SVIL: variants seen among roughly 807,000 people sequenced by gnomAD.
SVIL encodes archvillin.
A neutral mutation model predicts 240.4 loss-of-function variants in SVIL; 101 were observed. The ratio of observed to expected loss-of-function variants is 0.42; its 90% CI spans 0.36 to 0.50. The LOEUF is 0.50. Among genes scored for constraint, SVIL ranks in the 20% least tolerant of loss-of-function variants. SVIL has a pLI of 0.01. For synonymous variants in SVIL, 999 were observed against 1,100.0 expected, an observed-to-expected ratio of 0.91 and a Z score of 1.82; for missense variants, 2,512 against 2,818.7, an observed-to-expected ratio of 0.89 and a Z score of 2.46.
chr10:29,601,251 G>T (rs1046214929), intron 1 of SVIL, among the ~76,000 whole-genome samples: 4 of 152,082 alleles, frequency 2.6e-5, no homozygotes, highest in African/African-American at 9.7e-5. Context: ...AATGCTACAT[G>T]CCACATTTTA....
At chr10:29,568,525 C>T (rs1370857853) in intron 2 of SVIL, among the ~76,000 whole-genome samples, 1 of 152,154 alleles carries the variant, frequency 6.6e-6, no homozygotes, top group Non-Finnish European at 1.5e-5. Context: ...CAACTTTGTG[C>T]CTCCATCTGA....
At chr10:29,493,504 C>T (rs1277613981) in intron 20 of SVIL, 113 bp from the exon 21 acceptor site, 18 of 1,212,592 alleles carry the variant, frequency 1.5e-5, no homozygotes, top group Middle Eastern at 2.7e-4. Context: ...GTGGAAGAAA[C>T]ACGGTTGTGA....
At chr10:29,462,453 T>C in intron 35 of SVIL, 52 bp from the exon 36 acceptor site, 1 of 1,577,530 alleles carries the variant, frequency 6.3e-7, no homozygotes, top group Non-Finnish European at 8.6e-7. Context: ...ACCCTGTCTT[T>C]CTCTGATTTC....
chr10:29,694,711 C>T (rs1413054892), intron 1 of SVIL, among the ~76,000 whole-genome samples: 1 of 152,178 alleles, frequency 6.6e-6, no homozygotes, highest in Non-Finnish European at 1.5e-5. Context: ...CCTTCCACCT[C>T]GGCCTCCCAA....
chr10:29,503,543 C>T (rs952742231), intron 17 of SVIL, among the ~76,000 whole-genome samples: 3 of 152,088 alleles, frequency 2.0e-5, no homozygotes, highest in Non-Finnish European at 4.4e-5. Context: ...GTGACTTGAC[C>T]TCTGAAAACA....
chr10:29,480,591 A>G lies in SVIL; in HGVS notation c.5323T>C (p.Phe1775Leu). The G allele has an allele frequency of 6.2e-7, 1 of 1,614,026 alleles. No individual in the cohort carries two copies. The highest frequency in any genetic ancestry group is 8.5e-7 in the Non-Finnish European group (1 of 1,180,030). The change falls in exon 29 of 38, where the codon TTC (phenylalanine) becomes CTC (leucine). Residue 1775 changes from phenylalanine (F) to leucine (L), a missense_variant. Transcript: ENST00000355867. Reference sequence around the variant, plus strand: ...ACCACATAGGCATCCCCCTCATGGAACTGCCCGATGCTTTGTTTGGGGAGC... The same window carrying G: ...ACCACATAGGCATCCCCCTCATGGAGCTGCCCGATGCTTTGTTTGGGGAGC... The part of the protein sequence containing the change: ...SRLPKQSIGQ[F>L]HEGDAYVVKW...
intron 1 of SVIL, among the ~76,000 whole-genome samples, chr10:29,720,896 G>A (rs1313479437): frequency 6.6e-6 from 1 of 152,190 alleles, no homozygotes; most frequent in Non-Finnish European, 1.5e-5. Context: ...GCCCAGGCTG[G>A]AGTGTAGTGG....
chr10:29,466,467 G>T (rs76485365), intron 33 of SVIL, among the ~76,000 whole-genome samples: 6,027 of 152,198 alleles, frequency 0.04, 402 homozygotes, highest in African/African-American at 0.13. Flanking sequence ...GCTGATACAT[G>T]CTATCAGATT....
chr10:29,535,954 T>G lies in SVIL; in HGVS notation c.908+35A>C, dbSNP rs377367437. On this transcript the variant is annotated intron_variant, in intron 7 of 37. Transcript: ENST00000355867. ...GTCAGGCAGGAGGAAGCAACACTCA[T>G]GCACACAAGCCCCAGAGGGCCGGCG... 5.6e-6 allele frequency: 9 copies of G among 1,610,098 alleles called. No individual in the cohort carries two copies. In the East Asian group the frequency reaches 1.8e-4, roughly 32 times the overall value.
intron 6 of SVIL, among the ~76,000 whole-genome samples, chr10:29,545,853 C>CAAAAAAAAAAAAAAA (rs755360700): frequency 1.4e-4 from 9 of 63,570 alleles, no homozygotes; most frequent in Non-Finnish European, 2.3e-4. Flanking sequence ...GACTCTGTCT[C>CAAAAAAAAAAAAAAA]AAAAAAAAAA....
chr10:29,575,615 G>T (rs371163570), intron 1 of SVIL, among the ~76,000 whole-genome samples: 4 of 152,146 alleles, frequency 2.6e-5, no homozygotes, highest in South Asian at 2.1e-4. Context: ...TCTCTCACTG[G>T]ATGATTTAGT....
rs140270110 is a variant in SVIL, at chr10:29,514,799, G to A, written c.3390-1938C>T. ...GGAACTGGTCAGATGATCTCTAAGG[G>A]TCCTTCTTCCAAGCTTCCCGATTCC... On this transcript the variant is annotated intron_variant, in intron 16 of 37. Coordinates refer to ENST00000355867, the MANE Select transcript of SVIL (RefSeq NM_021738.3). 9.1e-3 allele frequency among the ~76,000 whole-genome samples: 1,393 copies of A among 152,250 alleles called. 32 individuals carry two copies. The highest frequency in any genetic ancestry group is 0.032 in the African/African-American group (1,325 of 41,546).
chr10:29,566,906 G>C (rs1955019557), intron 2 of SVIL, among the ~76,000 whole-genome samples: 1 of 152,186 alleles, frequency 6.6e-6, no homozygotes, highest in East Asian at 1.9e-4. Flanking sequence ...ACCTCTGCAG[G>C]CCTTGGTGTC....
chr10:29,458,206 T>G lies in SVIL; in HGVS notation c.*41A>C, dbSNP rs371235923. ...TATCCATTTCCCTGGTGCAGTGGTG[T>G]TGTTGGACGTGACCGTGAGGCTCCT... is the stretch of plus-strand genomic sequence containing the variant. On this transcript the variant is annotated 3_prime_UTR_variant, in exon 38 of 38. Coordinates refer to ENST00000355867, the MANE Select transcript of SVIL (RefSeq NM_021738.3). 49 of 1,585,618 alleles carry G rather than the reference T, an allele frequency of 3.1e-5. No homozygotes were observed. Among genetic ancestry groups the G allele is most frequent in the African/African-American group, 2.7e-4 (20 of 74,128 alleles).
At chr10:29,712,699 G>C (rs1013108163) in intron 1 of SVIL, among the ~76,000 whole-genome samples, 1 of 152,166 alleles carries the variant, frequency 6.6e-6, no homozygotes, top group African/African-American at 2.4e-5. Context: ...GATAGAGAAG[G>C]CAAATGTTAT....
Position 29,606,835 on chromosome 10 carries a change from A to G in SVIL, c.-201+27585T>C, listed in dbSNP as rs563972307. Among the ~76,000 whole-genome samples, 10 of 152,008 alleles carry G rather than the reference A, an allele frequency of 6.6e-5. No homozygotes were observed. The South Asian group carries it at 1.3e-3, about 19-fold the overall frequency. On this transcript the variant is annotated intron_variant, in intron 1 of 37. Coordinates refer to ENST00000355867, the MANE Select transcript of SVIL (RefSeq NM_021738.3). ...AGTGGCAGGATCTCAGCTCATGGCA[A>G]CCTCTGCCTCCTGTGTTCAAGCAGT...
At chr10:29,483,495 A>AT (rs952891190) in intron 27 of SVIL, 1 of 152,200 alleles carries the variant, frequency 6.6e-6, no homozygotes, top group African/African-American at 2.4e-5. Context: ...GAGCAAATGC[A>AT]TTTTTTAAAA....
chr10:29,646,180 T>C (rs1050069698), intron 3 of SVIL, among the ~76,000 whole-genome samples: 1 of 152,224 alleles, frequency 6.6e-6, no homozygotes, highest in Non-Finnish European at 1.5e-5. Context: ...CAATGAGTTC[T>C]TTTCCAAAGG....
chr10:29,488,753 G>T lies in SVIL; in HGVS notation c.4196C>A (p.Ser1399Tyr), dbSNP rs1290203384. ...GACTTCTGAGAAGTTGGAGTTGGAAGACACTGGGCACGTTGAATAAGGAAA... is the reference window on the plus strand; with the variant it reads ...GACTTCTGAGAAGTTGGAGTTGGAATACACTGGGCACGTTGAATAAGGAAA... The part of the protein sequence containing the change: ...ESKRMKVEKM[S>Y]SNSNFSEVTL... The change falls in exon 23 of 38, where the codon TCT becomes TAT. Residue 1399 changes from serine (S) to tyrosine (Y), a missense_variant. Physicochemically the swap from Ser to Tyr is moderately radical, Grantham distance 144. Around this residue, in one of 3 missense-constraint regions of SVIL, gnomAD observed 272 missense variants for 406.8 expected, o/e 0.67. Transcript: ENST00000355867. 2 of 1,611,638 alleles carry T rather than the reference G, an allele frequency of 1.2e-6. No individual in the cohort carries two copies. The highest frequency in any genetic ancestry group is 1.7e-6 in the Non-Finnish European group (2 of 1,179,262).
Sources: allele counts gnomAD v4.1 joint callset (sites outside exome capture counted in the v4.1 genomes callset), GRCh38; gene constraint gnomAD v4.1.1; regional missense constraint gnomAD v4.1.1; transcripts MANE v1.5; gene names NCBI Gene and HGNC (gene_info 2026-07-23, HGNC 2026-07-21).